The following GRM7 variants were observed in gnomAD, a reference collection of about 807,000 sequenced individuals.
The protein encoded by GRM7 is metabotropic glutamate receptor 7.
GRM7 carries 35 observed loss-of-function variants against 84.5 expected under a neutral mutation model. The ratio of observed to expected loss-of-function variants is 0.41; its 90% CI spans 0.32 to 0.55. The LOEUF is 0.55. Among genes scored for constraint, GRM7 ranks in the 20% least tolerant of loss-of-function variants. The pLI is 0.19. For synonymous variants in GRM7, 487 were observed against 455.1 expected, an observed-to-expected ratio of 1.07 and a Z score of -0.89; for missense variants, 1,003 against 1,194.6, an observed-to-expected ratio of 0.84 and a Z score of 2.36.
intron 8 of GRM7, among the ~76,000 whole-genome samples, chr3:7,641,642 A>T (rs1017142297): frequency 3.3e-5 from 5 of 152,192 alleles, no homozygotes; most frequent in African/African-American, 7.2e-5. Flanking sequence ...AAGCTCCCAG[A>T]TGATTCTAAT....
At chr3:7,332,381 C>T (rs1037028982) in intron 4 of GRM7, among the ~76,000 whole-genome samples, 8 of 152,140 alleles carry the variant, frequency 5.3e-5, no homozygotes, top group South Asian at 2.1e-4. Flanking sequence ...TGTTTCCATA[C>T]AGCTATGATC....
Position 7,416,607 on chromosome 3 carries a change from A to G in GRM7, c.1174+1444A>G, listed in dbSNP as rs368742805. Among the ~76,000 whole-genome samples the G allele has an allele frequency of 9.2e-4, 140 of 152,278 alleles. 5 individuals are homozygous for G. The South Asian group carries it at 0.027, about 29-fold the overall frequency. On this transcript the variant is annotated intron_variant, in intron 5 of 9. Transcript: ENST00000357716. ...CTGTGAAAAAGGAGAAATGTACAAC[A>G]TATGACCAGAAACATGAATAACAAT...
chr3:7,577,454 A>G (rs1335697454), intron 7 of GRM7, among the ~76,000 whole-genome samples: 3 of 152,218 alleles, frequency 2.0e-5, no homozygotes, highest in African/African-American at 7.2e-5. Flanking sequence ...CAGAAAGCAT[A>G]TAGAAAAGAA....
At chr3:7,251,601 T>C (rs1277881750) in intron 2 of GRM7, among the ~76,000 whole-genome samples, 1 of 152,310 alleles carries the variant, frequency 6.6e-6, no homozygotes, top group East Asian at 1.9e-4. Context: ...ATTTTTACTG[T>C]GATACTTGTG....
Position 7,099,574 on chromosome 3 carries a change from G to GTACACATATA in GRM7, c.520-46877_520-46876insACACATATAT, listed in dbSNP as rs1423711825. On this transcript the variant is annotated intron_variant, in intron 1 of 9. Transcript: ENST00000357716. ...ATGTATATGTACACGCATTATACAT[G>GTACACATATA]TGCACATATATGTATATGTACACGC... 6.7e-4 allele frequency among the ~76,000 whole-genome samples: 94 copies of GTACACATATA among 139,746 alleles called. 2 individuals carry two copies. The highest frequency in any genetic ancestry group is 1.3e-3 in the East Asian group (6 of 4,752). 91.7% of individuals were successfully genotyped at this position (139,746 alleles called of 152,430 possible). A position where few individuals can be genotyped will look rare whatever the true frequency, so the allele number is the denominator to read the frequency against.
chr3:7,494,960 T>C (rs1699649072), intron 7 of GRM7, among the ~76,000 whole-genome samples: 1 of 152,236 alleles, frequency 6.6e-6, no homozygotes, highest in Non-Finnish European at 1.5e-5. Context: ...GGTTATCTTT[T>C]CTCAATCAAG....
At chr3:7,080,009 T>C (rs942217785) in intron 1 of GRM7, among the ~76,000 whole-genome samples, 3 of 152,136 alleles carry the variant, frequency 2.0e-5, no homozygotes, top group Non-Finnish European at 4.4e-5. Flanking sequence ...CTTAATACAG[T>C]CACCTCAATT....
At chr3:7,197,591 C>A (rs532535072) in intron 2 of GRM7, among the ~76,000 whole-genome samples, 21 of 152,042 alleles carry the variant, frequency 1.4e-4, no homozygotes, top group African/African-American at 5.1e-4. Flanking sequence ...AATTGTTTTT[C>A]TACTCCCTCT....
chr3:7,262,690 T>G (rs1698476843), intron 2 of GRM7, among the ~76,000 whole-genome samples: 1 of 151,278 alleles, frequency 6.6e-6, no homozygotes, highest in Non-Finnish European at 1.5e-5. Context: ...CTTTTTGGTT[T>G]GTTTGTTGGT....
intron 7 of GRM7, among the ~76,000 whole-genome samples, chr3:7,576,580 T>A (rs1694971766): frequency 6.6e-6 from 1 of 152,188 alleles, no homozygotes; most frequent in Admixed American, 6.5e-5. Context: ...ACACTGAAAT[T>A]CCAATATGCA....
At chr3:7,381,723 G>T (rs1034280604) in intron 4 of GRM7, among the ~76,000 whole-genome samples, 2 of 152,122 alleles carry the variant, frequency 1.3e-5, no homozygotes, top group Non-Finnish European at 2.9e-5. Flanking sequence ...TGTAAATAAC[G>T]TGCTTAGCAG....
chr3:7,348,801 C>T (rs894738209), intron 4 of GRM7, among the ~76,000 whole-genome samples: 89 of 152,234 alleles, frequency 5.8e-4, no homozygotes, highest in African/African-American at 2.0e-3. Flanking sequence ...TACAAGCCCT[C>T]CAAGTGATCC....
At chr3:7,518,551 C>T (rs543474459) in intron 7 of GRM7, among the ~76,000 whole-genome samples, 2 of 152,304 alleles carry the variant, frequency 1.3e-5, no homozygotes, top group Admixed American at 1.3e-4. Flanking sequence ...GCTGTTAATT[C>T]ACTGATATTA....
chr3:7,346,739 C>T lies in GRM7; in HGVS notation c.1033+40087C>T, dbSNP rs185791787. ...CAGTGAACTCAGGTCACAGAATATA[C>T]GTGTTTTTAAAAAATATTTTACCAA... On this transcript the variant is annotated intron_variant, in intron 4 of 9. Coordinates refer to ENST00000357716, the MANE Select transcript of GRM7 (RefSeq NM_000844.4). Among the ~76,000 whole-genome samples, 196 of 152,220 alleles carry T rather than the reference C, an allele frequency of 1.3e-3. 1 individual carries two copies. The highest frequency in any genetic ancestry group is 6.8e-3 in the Middle Eastern group (2 of 294).
intron 9 of GRM7, among the ~76,000 whole-genome samples, chr3:7,698,983 G>A (rs1030487469): frequency 2.0e-5 from 3 of 152,124 alleles, no homozygotes; most frequent in African/African-American, 7.2e-5. Flanking sequence ...ACACTGGGGC[G>A]GGAAGTATTG....
At chr3:6,908,057 A>T (rs1203900881) in intron 1 of GRM7, among the ~76,000 whole-genome samples, 3 of 152,224 alleles carry the variant, frequency 2.0e-5, no homozygotes, top group Admixed American at 2.0e-4. Context: ...AACTAAAAAA[A>T]TAGCTAATAT....
chr3:7,572,866 ATATATATATAT>A (rs1694765958), intron 7 of GRM7, among the ~76,000 whole-genome samples: 2 of 74,340 alleles, frequency 2.7e-5, no homozygotes, highest in African/African-American at 4.8e-5. Context: ...ATATATATAT[ATATATATATAT>A]ATAAATAATC....
At chr3:7,566,815 G>A (rs111712155) in intron 7 of GRM7, among the ~76,000 whole-genome samples, 2 of 152,096 alleles carry the variant, frequency 1.3e-5, no homozygotes, top group Non-Finnish European at 2.9e-5. Context: ...AAAAAAAAAT[G>A]GTTCTGAAAT....
intron 2 of GRM7, among the ~76,000 whole-genome samples, chr3:7,184,444 A>G (rs1695447496): frequency 6.6e-6 from 1 of 152,158 alleles, no homozygotes; most frequent in South Asian, 2.1e-4. Flanking sequence ...ACAAATATAT[A>G]CAAAAATATT....
Sources: allele counts gnomAD v4.1 joint callset (sites outside exome capture counted in the v4.1 genomes callset), GRCh38; gene constraint gnomAD v4.1.1; transcripts MANE v1.5; gene names NCBI Gene and HGNC (gene_info 2026-07-23, HGNC 2026-07-21).